The following CNOT6L variants were observed in gnomAD, a reference collection of about 807,000 sequenced individuals.
CNOT6L encodes the protein CCR4-NOT transcription complex subunit 6 like.
Under a neutral mutation model 64.0 loss-of-function variants are expected in CNOT6L, and 7 were observed. The observed-to-expected ratio is 0.11, with a 90% CI of 0.06 to 0.21. The LOEUF is 0.21. CNOT6L is among the 10% of genes least tolerant of loss of function. The pLI, the probability that CNOT6L is intolerant of heterozygous loss-of-function variation, is 1.00. For missense variants in CNOT6L, 245 were observed against 669.0 expected (o/e 0.37, Z 6.99); for synonymous variants, 193 against 243.4 (o/e 0.79, Z 1.93).
intron 8 of CNOT6L, among the ~76,000 whole-genome samples, chr4:77,734,770 T>G: frequency 2.0e-5 from 3 of 152,302 alleles, no homozygotes; most frequent in Middle Eastern, 6.8e-3. Flanking sequence ...TTACAGGATA[T>G]AATTCTATTT....
chr4:77,737,136 A>G (rs1723041477), intron 8 of CNOT6L, among the ~76,000 whole-genome samples: 1 of 152,210 alleles, frequency 6.6e-6, no homozygotes, highest in Non-Finnish European at 1.5e-5. Context: ...GAATTCATTT[A>G]CAAGTAAAAA....
rs1183881997 is a variant in CNOT6L, at chr4:77,718,582, AAAC to A, written c.*1846_*1848del. On this transcript the variant is annotated 3_prime_UTR_variant, in exon 12 of 12. Transcript: ENST00000504123. The stretch of plus-strand genomic sequence containing the variant: ...TGACATTCCAATTATAATAGATGAC[AAAC>A]AACGCCTCTATCACTAGGCACTTTT... 1 of 152,586 alleles carries A rather than the reference AAAC, an allele frequency of 6.6e-6. No individual in the cohort carries two copies. The highest frequency in any genetic ancestry group is 1.5e-5 in the Non-Finnish European group (1 of 68,008). The allele number at this position is 152,586 out of a possible 1,614,324, so 9.5% of individuals were successfully genotyped here.
chr4:77,807,171 G>C (rs762287657), intron 1 of CNOT6L, among the ~76,000 whole-genome samples: 13 of 151,666 alleles, frequency 8.6e-5, no homozygotes, highest in Middle Eastern at 3.4e-3. Context: ...CCAGCTACTC[G>C]GGAGGCTGAG....
chr4:77,818,047 A>G (rs186227379), intron 1 of CNOT6L, among the ~76,000 whole-genome samples: 132 of 152,354 alleles, frequency 8.7e-4, no homozygotes, highest in African/African-American at 3.0e-3. Context: ...ATAGCTTTCC[A>G]GCAGCACATA....
chr4:77,741,894 C>T (rs1723633550), intron 8 of CNOT6L, among the ~76,000 whole-genome samples: 1 of 151,982 alleles, frequency 6.6e-6, no homozygotes, highest in Admixed American at 6.6e-5. Flanking sequence ...AATATGAGAC[C>T]ATTCAAGTCT....
At chr4:77,818,971 C>T (rs750794348) in intron 1 of CNOT6L, 2 of 668,760 alleles carry the variant, frequency 3.0e-6, no homozygotes, top group Non-Finnish European at 5.5e-6. Context: ...GAGCAGCTCT[C>T]ACCTGCGAGG....
intron 6 of CNOT6L, 72 bp from the exon 7 acceptor site, chr4:77,744,947 T>G (rs1724028844): frequency 1.6e-6 from 2 of 1,270,532 alleles, no homozygotes; most frequent in Admixed American, 4.9e-5. Context: ...CAATATCATG[T>G]GTACACCTGC....
intron 10 of CNOT6L, among the ~76,000 whole-genome samples, chr4:77,727,543 C>T (rs1378204364): frequency 1.7e-5 from 2 of 116,772 alleles, no homozygotes; most frequent in Non-Finnish European, 3.4e-5. Flanking sequence ...ACCTTGGCAA[C>T]AAGAGCACAA....
chr4:77,789,407 A>G (rs1729838532), intron 1 of CNOT6L, among the ~76,000 whole-genome samples: 1 of 152,102 alleles, frequency 6.6e-6, no homozygotes, highest in South Asian at 2.1e-4. Flanking sequence ...GGGGAAAAAA[A>G]AGTCAGTCTT....
At chr4:77,803,918 A>G (rs902365655) in intron 1 of CNOT6L, among the ~76,000 whole-genome samples, 1 of 151,956 alleles carries the variant, frequency 6.6e-6, no homozygotes, top group Non-Finnish European at 1.5e-5. Context: ...AAAAAGAAAA[A>G]AGCGTGAGGT....
At chr4:77,800,600 T>G (rs1731421419) in intron 1 of CNOT6L, among the ~76,000 whole-genome samples, 1 of 152,208 alleles carries the variant, frequency 6.6e-6, no homozygotes, top group Non-Finnish European at 1.5e-5. Flanking sequence ...ATCCCATACT[T>G]TTGAACTGAA....
chr4:77,753,999 T>A (rs1342477853), intron 5 of CNOT6L, among the ~76,000 whole-genome samples: 1 of 151,790 alleles, frequency 6.6e-6, no homozygotes, highest in East Asian at 1.9e-4. Flanking sequence ...GTGAATATGA[T>A]ACTTAATCAA....
intron 9 of CNOT6L, 52 bp from the exon 10 acceptor site, chr4:77,729,133 A>G: frequency 7.1e-7 from 1 of 1,406,506 alleles, no homozygotes; most frequent in Non-Finnish European, 1.0e-6. Flanking sequence ...ATGTTTGAAG[A>G]AATGTGGCAT....
intron 4 of CNOT6L, among the ~76,000 whole-genome samples, chr4:77,761,710 A>C (rs1726263001): frequency 6.6e-6 from 1 of 152,194 alleles, no homozygotes; most frequent in Admixed American, 6.5e-5. Context: ...AAAATCAAGA[A>C]CAAGGTAAGG....
chr4:77,742,374 G>T, intron 7 of CNOT6L, 79 bp from the exon 8 acceptor site: 1 of 1,262,644 alleles, frequency 7.9e-7, no homozygotes. Context: ...AGCATTATGA[G>T]TAAGATGTAA....
intron 4 of CNOT6L, 148 bp from the exon 5 acceptor site, chr4:77,757,099 A>G (rs932320986): frequency 2.2e-6 from 1 of 444,820 alleles, no homozygotes. Flanking sequence ...ACATTTAAAA[A>G]TGTATGTGTA....
intron 1 of CNOT6L, among the ~76,000 whole-genome samples, chr4:77,814,965 C>A (rs941932803): frequency 2.6e-5 from 4 of 152,098 alleles, no homozygotes; most frequent in East Asian, 1.9e-4. Flanking sequence ...AATAATTAAG[C>A]CTCTGTTGTT....
Position 77,819,329 on chromosome 4 carries a change from G to A in CNOT6L, c.-21C>T, listed in dbSNP as rs773268269. Reference sequence around the variant, plus strand: ...CTCATTCTCTTCCTCTGGCCCAGAAGCAACAGCAGCCATTTCCCCGCGGCA... The same window carrying A: ...CTCATTCTCTTCCTCTGGCCCAGAAACAACAGCAGCCATTTCCCCGCGGCA... On this transcript the variant is annotated 5_prime_UTR_variant, in exon 1 of 12. Transcript: ENST00000504123. The A allele has an allele frequency of 1.7e-5, 27 of 1,613,280 alleles. No individual in the cohort carries two copies. Among genetic ancestry groups the A allele is most frequent in the African/African-American group, 2.7e-5 (2 of 74,836 alleles).
At chr4:77,762,588 C>A (rs948971954) in intron 4 of CNOT6L, among the ~76,000 whole-genome samples, 2 of 152,056 alleles carry the variant, frequency 1.3e-5, no homozygotes, top group African/African-American at 4.8e-5. Context: ...AAATCTAAAA[C>A]TATAAAATTT....
Sources: gnomAD v4.1 joint callset for allele counts (sites outside exome capture counted in the v4.1 genomes callset) on GRCh38, gnomAD v4.1.1 for gene constraint, MANE v1.5 for transcripts, NCBI Gene and HGNC (gene_info 2026-07-23, HGNC 2026-07-21) for gene names.